Variants in SNX18 observed in about 807,000 individuals in gnomAD.
The protein encoded by SNX18 is sorting nexin 18.
A neutral mutation model predicts 48.7 loss-of-function variants in SNX18; 35 were observed. The observed-to-expected ratio is 0.72, with a 90% confidence interval of 0.55 to 0.95. SNX18 has a LOEUF of 0.95. Among genes scored for constraint, SNX18 ranks in the 40% least tolerant of loss-of-function variants. The probability of loss-of-function intolerance (pLI) is 0.00; values close to 1 mark genes in which losing one functional copy is unlikely to be tolerated. For missense variants in SNX18, 824 were observed against 871.0 expected (o/e 0.95, Z 0.68); for synonymous variants, 492 against 384.7 (o/e 1.28, Z -3.26).
At chr5:54,617,665 A>G in the SNX18 span, among the ~76,000 whole-genome samples, 1 of 152,162 alleles carries the variant, frequency 6.6e-6, no homozygotes, top group Admixed American at 6.5e-5. Flanking sequence ...CACTGAGTGA[A>G]GTTCTGGAAA....
chr5:54,528,134 G>GCA (rs1327677901), intron 1 of SNX18, among the ~76,000 whole-genome samples: 5 of 100,602 alleles, frequency 5.0e-5, no homozygotes, highest in Non-Finnish European at 1.1e-4. Context: ...ATGCATACAC[G>GCA]CACATACACA....
chr5:54,624,249 AT>A, the SNX18 span, among the ~76,000 whole-genome samples: 2 of 152,208 alleles, frequency 1.3e-5, no homozygotes, highest in African/African-American at 2.4e-5. Context: ...GTGCTTAGTA[AT>A]AGTATCATGA....
chr5:54,622,059 G>T, the SNX18 span, among the ~76,000 whole-genome samples: 3 of 152,236 alleles, frequency 2.0e-5, no homozygotes, highest in Admixed American at 1.3e-4. Context: ...AGAATTCGAG[G>T]AGAGCTGCCT....
the SNX18 span, among the ~76,000 whole-genome samples, chr5:54,591,937 A>C: frequency 4.6e-5 from 7 of 152,216 alleles, 1 homozygote; most frequent in South Asian, 1.2e-3. Flanking sequence ...GTTGCTAACA[A>C]ATATCTTGGC....
At chr5:54,596,041 T>C in the SNX18 span, among the ~76,000 whole-genome samples, 2 of 152,178 alleles carry the variant, frequency 1.3e-5, no homozygotes, top group South Asian at 4.1e-4. Flanking sequence ...TAGGCTGGCC[T>C]TGTGGTCAGA....
the SNX18 span, among the ~76,000 whole-genome samples, chr5:54,612,935 C>T: frequency 5.3e-5 from 8 of 152,214 alleles, no homozygotes; most frequent in Non-Finnish European, 1.0e-4. Flanking sequence ...GGCATCTAAT[C>T]GGAGACCTTT....
chr5:54,528,062 GAATT>G (rs1220377192), intron 1 of SNX18, among the ~76,000 whole-genome samples: 4 of 152,020 alleles, frequency 2.6e-5, no homozygotes, highest in Non-Finnish European at 5.9e-5. Flanking sequence ...AAGTGCCAGA[GAATT>G]AATATTGTAT....
chr5:54,625,917 G>T, the SNX18 span, among the ~76,000 whole-genome samples: 2 of 152,080 alleles, frequency 1.3e-5, no homozygotes, highest in Non-Finnish European at 2.9e-5. Flanking sequence ...TCACCATCTG[G>T]AAAAAGCACC....
At chr5:54,586,718 G>C in the SNX18 span, among the ~76,000 whole-genome samples, 1 of 152,120 alleles carries the variant, frequency 6.6e-6, no homozygotes, top group Non-Finnish European at 1.5e-5. Context: ...TATCACAATG[G>C]CAATTGAATT....
chr5:54,580,072 G>GGT, the SNX18 span, among the ~76,000 whole-genome samples: 5 of 151,570 alleles, frequency 3.3e-5, no homozygotes, highest in African/African-American at 1.2e-4. Flanking sequence ...TGCATTAGAG[G>GGT]GTGTGTGTGT....
Position 54,530,744 on chromosome 5 carries a change from A to ATTTTTTTTTTTTTTT in SNX18, c.1621+11183_1621+11197dup, listed in dbSNP as rs70986692. 1.3e-3 allele frequency among the ~76,000 whole-genome samples: 93 copies of ATTTTTTTTTTTTTTT among 72,496 alleles called. 14 individuals are homozygous for ATTTTTTTTTTTTTTT. The highest frequency in any genetic ancestry group is 4.2e-3 in the East Asian group (8 of 1,924). The allele number at this position is 72,496 out of a possible 152,430, so 47.6% of individuals were successfully genotyped here. A position where few individuals can be genotyped will look rare whatever the true frequency, so the allele number is the denominator to read the frequency against. On this transcript the variant is annotated intron_variant, in intron 1 of 1. Transcript: ENST00000381410. ...TGCAGACAGGAGCTGAACCACAGAA[A>ATTTTTTTTTTTTTTT]TTTTTTTTTTTTTTTTTTTTTTTTT... is the stretch of plus-strand genomic sequence containing the variant.
At chr5:54,603,925 C>A in the SNX18 span, among the ~76,000 whole-genome samples, 1 of 152,160 alleles carries the variant, frequency 6.6e-6, no homozygotes, top group Admixed American at 6.5e-5. Context: ...GGGGGTTTTG[C>A]AATCTATTTA....
the SNX18 span, among the ~76,000 whole-genome samples, chr5:54,556,107 A>G: frequency 6.6e-6 from 1 of 152,186 alleles, no homozygotes. Flanking sequence ...ATATTTTATC[A>G]GCCTCTTATT....
chr5:54,554,220 A>C, the SNX18 span, among the ~76,000 whole-genome samples: 2 of 152,042 alleles, frequency 1.3e-5, no homozygotes, highest in African/African-American at 2.4e-5. Flanking sequence ...TCTTTCCTCC[A>C]TCTCTCCTAC....
At chr5:54,634,002 T>A in the SNX18 span, among the ~76,000 whole-genome samples, 39 of 152,324 alleles carry the variant, frequency 2.6e-4, no homozygotes, top group South Asian at 8.1e-3. Flanking sequence ...TTTGCTTTCA[T>A]GGCTATAATT....
At chr5:54,541,220 G>T (rs1283266214) in intron 1 of SNX18, among the ~76,000 whole-genome samples, 1 of 151,902 alleles carries the variant, frequency 6.6e-6, no homozygotes, top group Non-Finnish European at 1.5e-5. Flanking sequence ...TAGAGACAGG[G>T]TTTCACCATA....
the SNX18 span, among the ~76,000 whole-genome samples, chr5:54,632,662 A>G: frequency 6.6e-6 from 1 of 152,174 alleles, no homozygotes; most frequent in Non-Finnish European, 1.5e-5. Flanking sequence ...GGTCTGCTCC[A>G]GGCCAGGGAG....
chr5:54,522,466 T>C (rs540208951), intron 1 of SNX18, among the ~76,000 whole-genome samples: 4 of 152,362 alleles, frequency 2.6e-5, no homozygotes, highest in African/African-American at 9.6e-5. Context: ...CGTAAGTTTC[T>C]CCAGCAAATT....
At chr5:54,597,403 C>T in the SNX18 span, among the ~76,000 whole-genome samples, 1 of 152,150 alleles carries the variant, frequency 6.6e-6, no homozygotes, top group African/African-American at 2.4e-5. Flanking sequence ...TAGATATCTA[C>T]ACCTACAGAT....
Sources: allele counts gnomAD v4.1 joint callset (sites outside exome capture counted in the v4.1 genomes callset), GRCh38; gene constraint gnomAD v4.1.1; transcripts MANE v1.5; gene names NCBI Gene and HGNC (gene_info 2026-07-23, HGNC 2026-07-21).